VWA3A: variants seen among roughly 807,000 people sequenced by gnomAD.
The protein encoded by VWA3A is von Willebrand factor A domain-containing protein 3A.
VWA3A carries 134 observed loss-of-function variants against 160.4 expected under a neutral mutation model. That is an observed-to-expected ratio of 0.84 (90% confidence interval 0.73 to 0.96). The LOEUF (loss-of-function observed/expected upper bound fraction) is 0.96, where lower values mean the gene tolerates loss of function less well. VWA3A is among the 40% of genes least tolerant of loss of function. The pLI is 0.00. For synonymous variants in VWA3A, 476 were observed against 543.4 expected (o/e 0.88, Z 1.72); for missense variants, 1,310 against 1,447.9 (o/e 0.90, Z 1.55).
chr16:22,144,786 T>G (rs550927240), intron 26 of VWA3A, among the ~76,000 whole-genome samples: 20 of 152,050 alleles, frequency 1.3e-4, no homozygotes, highest in South Asian at 6.2e-4. Flanking sequence ...TGCAGCTGTG[T>G]GCCTGTAGTC....
intron 1 of VWA3A, among the ~76,000 whole-genome samples, chr16:22,094,035 A>G (rs71376715): frequency 0.082 from 12,383 of 151,916 alleles, 737 homozygotes; most frequent in South Asian, 0.25. Context: ...CAGCCTCCCA[A>G]TGTGCTGGGA....
intron 18 of VWA3A, 150 bp from the exon 19 acceptor site, chr16:22,131,435 C>T: frequency 7.0e-7 from 1 of 1,427,228 alleles, no homozygotes; most frequent in African/African-American, 1.4e-5. Context: ...CTTCTGTCTG[C>T]TGCTCTCCCC....
chr16:22,119,131 G>A lies in VWA3A; in HGVS notation c.1116+104G>A, dbSNP rs1177836016. 8 of 1,271,130 alleles carry A rather than the reference G, an allele frequency of 6.3e-6. No homozygotes were observed. The East Asian group carries it at 1.7e-4, about 27-fold the overall frequency. 78.7% of individuals were successfully genotyped at this position (1,271,130 alleles called of 1,614,324 possible). On this transcript the variant is annotated intron_variant, in intron 12 of 33. Transcript: ENST00000389398. The stretch of plus-strand genomic sequence containing the variant: ...ATAGGGGGCACAGCTGCCAGTGCCT[G>A]TCACTTCCTAAAATCGAAACAAGGC...
At chr16:22,099,497 G>A (rs2045375278) in intron 3 of VWA3A, among the ~76,000 whole-genome samples, 1 of 152,168 alleles carries the variant, frequency 6.6e-6, no homozygotes, top group African/African-American at 2.4e-5. Flanking sequence ...CAGCAAGATG[G>A]GGTTATCATA....
rs777893520 is a variant in VWA3A at position 22,123,611 on chromosome 16, A to G, written c.1438-2A>G. On this transcript the variant is annotated splice_acceptor_variant, in intron 15 of 33. Coordinates refer to ENST00000389398, the MANE Select transcript of VWA3A (RefSeq NM_173615.5). LOFTEE classifies it high-confidence loss of function. ...CGCTCACTGTGGCCCACACTTCTGC[A>G]GCAACAGCTCAGCAGAGCTATGCGG... The G allele has an allele frequency of 3.1e-6, 5 of 1,613,888 alleles. No homozygotes were observed. In the South Asian group the frequency reaches 3.3e-5, roughly 11 times the overall value.
chr16:22,134,403 T>A lies in VWA3A; in HGVS notation c.2104T>A (p.Ser702Thr), dbSNP rs994971951. The A allele has an allele frequency of 6.9e-6, 11 of 1,599,404 alleles. No individual in the cohort carries two copies. In the African/African-American group the frequency reaches 9.4e-5, roughly 14 times the overall value. The stretch of plus-strand genomic sequence containing the variant: ...GAGCGATGACATCAACTCCATCATG[T>A]CTGAGATGGAAAAGGCTCTCAACTA... ...YESDDINSIM[S>T]EMEKALNYSQ... The change falls in exon 21 of 34, where the codon TCT becomes ACT. Residue 702 changes from serine (S) to threonine (T), a missense_variant. Transcript: ENST00000389398.
chr16:22,115,304 C>A, intron 8 of VWA3A, 43 bp from the exon 9 acceptor site: 1 of 1,529,740 alleles, frequency 6.5e-7, no homozygotes. Context: ...AAATTCAATA[C>A]AAACAGTCTT....
intron 16 of VWA3A, among the ~76,000 whole-genome samples, chr16:22,125,412 T>G (rs1202698410): frequency 3.4e-5 from 3 of 88,236 alleles, no homozygotes; most frequent in Non-Finnish European, 6.0e-5. Flanking sequence ...GTGTGTGTTT[T>G]GTTTTGTTTT....
At position 22,142,685 on chromosome 16, in the gene VWA3A, T is replaced by C. The variant is rs375828779; in HGVS notation, c.2512T>C (p.Tyr838His). Residue 838 changes from tyrosine to histidine, a missense_variant, in exon 25 of 34, where the codon TAC (tyrosine) becomes CAC (histidine). Coordinates refer to ENST00000389398, the MANE Select transcript of VWA3A (RefSeq NM_173615.5). ...GNDVGSVYKK[Y>H]PQGRGLRRTS... is the part of the protein sequence containing the mutation. ...TCTTCTAGGCTCAGTGTACAAGAAG[T>C]ACCCTCAAGGAAGGGGCTTGAGAAG... The C allele has an allele frequency of 4.5e-6, 7 of 1,568,814 alleles. No homozygotes were observed. The African/African-American group carries it at 6.8e-5, about 15-fold the overall frequency.
At chr16:22,098,217 G>A (rs1293553754) in intron 3 of VWA3A, among the ~76,000 whole-genome samples, 1 of 152,156 alleles carries the variant, frequency 6.6e-6, no homozygotes, top group African/African-American at 2.4e-5. Flanking sequence ...CCATGTTCAA[G>A]CAAGGCTAGT....
At position 22,097,670 on chromosome 16, in the gene VWA3A, A is replaced by G; in HGVS notation, c.200A>G (p.His67Arg). The stretch of plus-strand genomic sequence containing the variant: ...TCGGACAATGGATTATTGGTTACAC[A>G]TGTTAACCAGACACAGGACTTACTG... ...QNSDNGLLVT[H>R]VNQTQDLLRL... The change falls in exon 3 of 34, where the codon CAT becomes CGT. Residue 67 changes from histidine (H) to arginine (R), a missense_variant. By Grantham distance (29) the His-to-Arg change is conservative. Transcript: ENST00000389398. The G allele has an allele frequency of 6.4e-7, 1 of 1,551,724 alleles. No individual in the cohort carries two copies. Among genetic ancestry groups the G allele is most frequent in the Non-Finnish European group, 8.7e-7 (1 of 1,146,970 alleles).
Position 22,126,262 on chromosome 16 carries a change from G to A in VWA3A, c.1617G>A (p.Glu539=). Residue 539 remains glutamate, a synonymous_variant, in exon 17 of 34, where the codon GAG becomes GAA. Coordinates refer to ENST00000389398, the MANE Select transcript of VWA3A (RefSeq NM_173615.5). ...ACTCCCTGCGGCTGCTGCTGGAGGA[G>A]CAGTTATCCAACAAGGACTGTTTCA... ...IQHSLRLLLE[E]QLSNKDCFNL... 1 of 1,613,886 alleles carries A rather than the reference G, an allele frequency of 6.2e-7. No individual in the cohort carries two copies. The highest frequency in any genetic ancestry group is 8.5e-7 in the Non-Finnish European group (1 of 1,179,828).
chr16:22,115,986 GAGAGGA>G (rs1228940107), intron 9 of VWA3A, among the ~76,000 whole-genome samples: 1 of 143,050 alleles, frequency 7.0e-6, no homozygotes, highest in Non-Finnish European at 1.5e-5. Context: ...GAGAGAGAGA[GAGAGGA>G]GAGAGAGAGA....
chr16:22,140,729 G>A (rs935477187), intron 23 of VWA3A, among the ~76,000 whole-genome samples: 1 of 151,214 alleles, frequency 6.6e-6, no homozygotes, highest in Non-Finnish European at 1.5e-5. Flanking sequence ...TTGTGCCTCA[G>A]CCTCCTGAAT....
At chr16:22,146,112 G>A (rs958683067) in intron 26 of VWA3A, 124 bp from the exon 27 acceptor site, 10 of 764,046 alleles carry the variant, frequency 1.3e-5, no homozygotes, top group Admixed American at 2.4e-5. Flanking sequence ...ATGAGCCACC[G>A]TGCCCAGCCA....
chr16:22,110,758 C>A, intron 7 of VWA3A, 130 bp from the exon 8 acceptor site: 1 of 715,468 alleles, frequency 1.4e-6, no homozygotes, highest in Non-Finnish European at 2.1e-6. Flanking sequence ...GGCTGCTAAG[C>A]CCAGCCTCGA....
At chr16:22,093,634 A>G (rs1226478392) in intron 1 of VWA3A, among the ~76,000 whole-genome samples, 1 of 152,230 alleles carries the variant, frequency 6.6e-6, no homozygotes, top group Non-Finnish European at 1.5e-5. Flanking sequence ...ATAGTACTTC[A>G]TATTTCACAA....
chr16:22,110,241 T>G (rs917567670), intron 7 of VWA3A, among the ~76,000 whole-genome samples: 4 of 152,224 alleles, frequency 2.6e-5, no homozygotes, highest in Non-Finnish European at 5.9e-5. Context: ...GTGAGAAGTC[T>G]GGCCTAGAGA....
At chr16:22,124,329 A>G (rs1365774460) in intron 16 of VWA3A, among the ~76,000 whole-genome samples, 2 of 151,502 alleles carry the variant, frequency 1.3e-5, no homozygotes, top group Non-Finnish European at 2.9e-5. Context: ...AGCTTGGAGT[A>G]GGCTCAGCTT....
Sources: allele counts gnomAD v4.1 joint callset (sites outside exome capture counted in the v4.1 genomes callset), GRCh38; gene constraint gnomAD v4.1.1; transcripts MANE v1.5; gene names NCBI Gene and HGNC (gene_info 2026-07-23, HGNC 2026-07-21).